Variants in LRP2BP observed in about 807,000 individuals in gnomAD.
LRP2BP encodes LRP2 binding protein, also known as LRP2-binding protein.
Under a neutral mutation model 45.2 loss-of-function variants are expected in LRP2BP, and 38 were observed. The ratio of observed to expected loss-of-function variants is 0.84; its 90% CI spans 0.65 to 1.10. The LOEUF is 1.10. LRP2BP is among the 50% of genes least tolerant of loss of function. The pLI, the probability that LRP2BP is intolerant of heterozygous loss-of-function variation, is 0.00. For synonymous variants in LRP2BP, 153 were observed against 153.9 expected (o/e 0.99, Z 0.04); for missense variants, 385 against 418.9 (o/e 0.92, Z 0.71).
chr4:185,397,061 G>A, upstream of LRP2BP: 1 of 1,609,940 alleles, frequency 6.2e-7, no homozygotes, highest in Non-Finnish European at 8.5e-7. Flanking sequence ...GGTCAGAGCT[G>A]GTTGTGAAGG....
chr4:185,385,242 G>A (rs2095467624), intron 1 of LRP2BP, among the ~76,000 whole-genome samples: 1 of 152,094 alleles, frequency 6.6e-6, no homozygotes, highest in Non-Finnish European at 1.5e-5. Context: ...AACCTTGTTG[G>A]CAGTTACAGC....
At chr4:185,386,508 G>A (rs2095472176) in intron 1 of LRP2BP, among the ~76,000 whole-genome samples, 1 of 152,158 alleles carries the variant, frequency 6.6e-6, no homozygotes. Flanking sequence ...TGGGCAGAGA[G>A]GACAAGAGAA....
At chr4:185,386,340 G>A (rs1209240765) in intron 1 of LRP2BP, among the ~76,000 whole-genome samples, 1 of 152,198 alleles carries the variant, frequency 6.6e-6, no homozygotes, top group Non-Finnish European at 1.5e-5. Context: ...CAGTGAGAAA[G>A]TACACTGGGC....
upstream of LRP2BP, chr4:185,396,846 T>C (rs2095504728): frequency 6.7e-7 from 1 of 1,499,958 alleles, no homozygotes; most frequent in African/African-American, 1.4e-5. Flanking sequence ...AGCCTGCGCA[T>C]TCTTACCTGT....
intron 1 of LRP2BP, among the ~76,000 whole-genome samples, chr4:185,389,273 A>G (rs540558518): frequency 4.9e-4 from 74 of 151,712 alleles, no homozygotes; most frequent in African/African-American, 1.7e-3. Context: ...CAATGGCGCA[A>G]TCTTGGTTCA....
chr4:185,387,363 G>A (rs1339082052), intron 1 of LRP2BP, among the ~76,000 whole-genome samples: 1 of 152,218 alleles, frequency 6.6e-6, no homozygotes, highest in Non-Finnish European at 1.5e-5. Flanking sequence ...GCCACACAAT[G>A]TACAAATAAC....
At chr4:185,370,427 T>G (rs2095410940) in intron 8 of LRP2BP, among the ~76,000 whole-genome samples, 1 of 152,098 alleles carries the variant, frequency 6.6e-6, no homozygotes, top group Non-Finnish European at 1.5e-5. Context: ...TGCATCAAAA[T>G]AGGACTTTTA....
intron 7 of LRP2BP, 29 bp from the exon 8 acceptor site, chr4:185,370,843 A>G (rs1249412924): frequency 1.2e-6 from 2 of 1,611,446 alleles, no homozygotes; most frequent in Non-Finnish European, 8.5e-7. Flanking sequence ...GTGAAATGGA[A>G]AAGACATCAG....
chr4:185,367,550 C>A (rs1424998523), intron 8 of LRP2BP, among the ~76,000 whole-genome samples: 2 of 152,116 alleles, frequency 1.3e-5, no homozygotes, highest in Admixed American at 1.3e-4. Context: ...AAATGGAGAG[C>A]ATTAACATTT....
Position 185,379,909 on chromosome 4 carries a change from A to C in LRP2BP, c.-21-1702T>G, listed in dbSNP as rs557671811. Among the ~76,000 whole-genome samples the C allele has an allele frequency of 6.6e-5, 10 of 152,234 alleles. No individual in the cohort carries two copies. In the South Asian group the frequency reaches 2.1e-3, roughly 32 times the overall value. On this transcript the variant is annotated intron_variant, in intron 1 of 8. Coordinates refer to ENST00000505916, the MANE Select transcript of LRP2BP (RefSeq NM_001377440.1). ...AATCATAGCTCTCAACTGCAGCCTC[A>C]ACCTCTTGGGCTCAGGTGATCCACC... is the stretch of plus-strand genomic sequence containing the variant.
At chr4:185,385,985 T>C (rs1251124840) in intron 1 of LRP2BP, among the ~76,000 whole-genome samples, 2 of 151,846 alleles carry the variant, frequency 1.3e-5, no homozygotes, top group Admixed American at 1.3e-4. Flanking sequence ...TCAGGGGAAG[T>C]TGTGTCTTTC....
Position 185,378,399 on chromosome 4 carries a change from GAC to G in LRP2BP, c.-21-194_-21-193del, listed in dbSNP as rs1176383076. 5 of 1,371,108 alleles carry G rather than the reference GAC, an allele frequency of 3.6e-6. No individual in the cohort carries two copies. In the African/African-American group the frequency reaches 4.4e-5, roughly 12 times the overall value. The allele number at this position is 1,371,108 out of a possible 1,614,324, so 84.9% of individuals were successfully genotyped here. A position where few individuals can be genotyped will look rare whatever the true frequency, so the allele number is the denominator to read the frequency against. ...CCAAGACCCTCCTCCCTAGCTGAGA[GAC>G]AGCCATTCTCCATGTCATTTTCCAC... is the stretch of plus-strand genomic sequence containing the variant. On this transcript the variant is annotated intron_variant, in intron 1 of 8. Coordinates refer to ENST00000505916, the MANE Select transcript of LRP2BP (RefSeq NM_001377440.1).
chr4:185,367,708 C>T (rs1460535382), intron 8 of LRP2BP, among the ~76,000 whole-genome samples: 1 of 152,146 alleles, frequency 6.6e-6, no homozygotes, highest in Admixed American at 6.5e-5. Flanking sequence ...ATATAGAGCT[C>T]TCATCCAAAC....
chr4:185,377,115 A>T, intron 2 of LRP2BP, 97 bp from the exon 3 acceptor site: 1 of 891,706 alleles, frequency 1.1e-6, no homozygotes. Flanking sequence ...CACTGTTGAC[A>T]TTCTTGCTTT....
At chr4:185,372,336 G>C (rs535134501) in intron 7 of LRP2BP, among the ~76,000 whole-genome samples, 1 of 152,324 alleles carries the variant, frequency 6.6e-6, no homozygotes, top group African/African-American at 2.4e-5. Flanking sequence ...TAATGGCATA[G>C]AATTGTGCTA....
chr4:185,383,968 T>G (rs2095462926), intron 1 of LRP2BP, among the ~76,000 whole-genome samples: 1 of 152,234 alleles, frequency 6.6e-6, no homozygotes, highest in Non-Finnish European at 1.5e-5. Flanking sequence ...AATCTTGTTG[T>G]GTATTCCTTT....
chr4:185,390,540 GAAA>G (rs547283837), intron 1 of LRP2BP: 1 of 150,232 alleles, frequency 6.7e-6, no homozygotes, highest in Non-Finnish European at 1.5e-5. Flanking sequence ...AAAGAAAAAA[GAAA>G]AAATATTTAA....
chr4:185,391,946 T>C (rs1321601769), intron 1 of LRP2BP, among the ~76,000 whole-genome samples: 1 of 152,240 alleles, frequency 6.6e-6, no homozygotes, highest in East Asian at 1.9e-4. Flanking sequence ...CTTCTATCCA[T>C]CTGAATCTAT....
In LRP2BP at chr4:185,383,131, A is replaced by C. The variant is rs1028429655; in HGVS notation, c.-21-4924T>G. Among the ~76,000 whole-genome samples, 3 of 152,138 alleles carry C rather than the reference A, an allele frequency of 2.0e-5. No individual in the cohort carries two copies. The East Asian group carries it at 5.8e-4, about 29-fold the overall frequency. ...TTGTGTTTTGAAGTATGTATATTAA[A>C]TCTTTTATAGGCAACCTTGCATTTA... On this transcript the variant is annotated intron_variant, in intron 1 of 8. Transcript: ENST00000505916.
Sources: allele counts gnomAD v4.1 joint callset (sites outside exome capture counted in the v4.1 genomes callset), GRCh38; gene constraint gnomAD v4.1.1; transcripts MANE v1.5; gene names NCBI Gene and HGNC (gene_info 2026-07-23, HGNC 2026-07-21).